Variants in CDC34 observed in about 807,000 individuals in gnomAD.
CDC34 encodes the protein cell division cycle 34, ubiquitin conjugating enzyme.
A neutral mutation model predicts 26.8 loss-of-function variants in CDC34; 18 were observed. That is an observed-to-expected ratio of 0.67 (90% CI 0.47 to 1.00). CDC34 has a LOEUF of 1.00. CDC34 is among the 50% of genes least tolerant of loss of function. CDC34 has a pLI of 0.00. For missense variants in CDC34, 280 were observed against 334.5 expected (o/e 0.84, Z 1.27); for synonymous variants, 178 against 147.5 (o/e 1.21, Z -1.50).
chr19:540,889 G>A (rs926800509), intron 4 of CDC34, among the ~76,000 whole-genome samples: 4 of 152,098 alleles, frequency 2.6e-5, no homozygotes, highest in Admixed American at 6.5e-5. Flanking sequence ...CCGTTTTTGC[G>A]TTTCCCATCT....
intron 4 of CDC34, among the ~76,000 whole-genome samples, chr19:537,516 C>G (rs1295197998): frequency 2.6e-5 from 4 of 152,096 alleles, no homozygotes; most frequent in Non-Finnish European, 5.9e-5. Context: ...CCACGCCCGG[C>G]TAATTTTTTG....
At position 535,861 on chromosome 19, in the gene CDC34, T is replaced by A; in HGVS notation, c.202T>A (p.Tyr68Asn). 1 of 1,613,902 alleles carries A rather than the reference T, an allele frequency of 6.2e-7. No individual in the cohort carries two copies. Among genetic ancestry groups the A allele is most frequent in the Non-Finnish European group, 8.5e-7 (1 of 1,179,968 alleles). The change falls in exon 2 of 5, where the codon TAC becomes AAC. Residue 68 changes from tyrosine (Y) to asparagine (N), a missense_variant. By Grantham distance (143) the Tyr-to-Asn change is moderately radical. Coordinates refer to ENST00000215574, the MANE Select transcript of CDC34 (RefSeq NM_004359.2). ...GGCGCGCCTCAAGTTCCCCATCGAC[T>A]ACCCATACTCTCCACCAGCCTTTCG... Reference protein sequence around the residue: ...FKARLKFPIDYPYSPPAFRFL... With the variant: ...FKARLKFPIDNPYSPPAFRFL...
intron 4 of CDC34, chr19:538,992 A>C (rs1203986423): frequency 1.0e-6 from 1 of 985,072 alleles, no homozygotes; most frequent in African/African-American, 1.7e-5. Flanking sequence ...CCTCCTTGAG[A>C]TCCCAGCACA....
In CDC34 at chr19:541,459, C is replaced by G. The variant is rs542019154; in HGVS notation, c.618C>G (p.Phe206Leu). ...APAPDEGSDL[F>L]YDDYYEDGEV... Reference sequence around the variant, plus strand: ...CGCCCGACGAGGGCTCAGACCTCTTCTACGACGACTACTACGAGGACGGCG... The same window carrying G: ...CGCCCGACGAGGGCTCAGACCTCTTGTACGACGACTACTACGAGGACGGCG... The change falls in exon 5 of 5, where the codon TTC becomes TTG. Residue 206 changes from phenylalanine to leucine, a missense_variant. Physicochemically the swap from Phe to Leu is conservative, Grantham distance 22. Coordinates refer to ENST00000215574, the MANE Select transcript of CDC34 (RefSeq NM_004359.2). 10 of 1,612,608 alleles carry G rather than the reference C, an allele frequency of 6.2e-6. No individual in the cohort carries two copies. The highest frequency in any genetic ancestry group is 8.5e-6 in the Non-Finnish European group (10 of 1,179,864).
Position 537,218 on chromosome 19 carries a change from G to A in CDC34, c.497+71G>A, listed in dbSNP as rs538772455. 2.5e-4 allele frequency: 384 copies of A among 1,556,896 alleles called. 3 individuals carry two copies. The highest frequency in any genetic ancestry group is 1.2e-3 in the Middle Eastern group (7 of 5,804). ...CCTGCACCCCGGCCCCTGGTCCCACGGCCGCCCAGCCCCACCTTCCTGGTG... is the reference window on the plus strand; with the variant it reads ...CCTGCACCCCGGCCCCTGGTCCCACAGCCGCCCAGCCCCACCTTCCTGGTG... On this transcript the variant is annotated intron_variant, in intron 4 of 4. Transcript: ENST00000215574.
intron 4 of CDC34, chr19:538,754 T>A (rs1979878952): frequency 2.0e-6 from 2 of 985,282 alleles, no homozygotes; most frequent in South Asian, 4.7e-5. Context: ...CGGGGCAGCA[T>A]CCTGGTGCTG....
chr19:537,215 C>T lies in CDC34; in HGVS notation c.497+68C>T, dbSNP rs942191073. 15 of 1,557,844 alleles carry T rather than the reference C, an allele frequency of 9.6e-6. No homozygotes were observed. In the African/African-American group the frequency reaches 1.8e-4, roughly 18 times the overall value. ...CGGCCTGCACCCCGGCCCCTGGTCCCACGGCCGCCCAGCCCCACCTTCCTG... is the reference window on the plus strand; with the variant it reads ...CGGCCTGCACCCCGGCCCCTGGTCCTACGGCCGCCCAGCCCCACCTTCCTG... On this transcript the variant is annotated intron_variant, in intron 4 of 4. Coordinates refer to ENST00000215574, the MANE Select transcript of CDC34 (RefSeq NM_004359.2).
chr19:536,935 C>T lies in CDC34; in HGVS notation c.363-78C>T, dbSNP rs114582274. 3,147 of 1,575,104 alleles carry T rather than the reference C, an allele frequency of 2.0e-3. 51 individuals are homozygous for T. In the African/African-American group the frequency reaches 0.038, roughly 19 times the overall value. ...CCTGCTGGGTGGGTCCAGGCGTCCC[C>T]GTGACCCTCAGGGCCAGAGAAGAGC... On this transcript the variant is annotated intron_variant, in intron 3 of 4. Coordinates refer to ENST00000215574, the MANE Select transcript of CDC34 (RefSeq NM_004359.2).
intron 4 of CDC34, chr19:538,705 A>G (rs756910510): frequency 3.3e-5 from 33 of 985,184 alleles, no homozygotes; most frequent in Middle Eastern, 5.2e-4. Flanking sequence ...GGCACCTTCC[A>G]TCCTGCACTC....
At chr19:532,976 C>G (rs1979566147) in intron 1 of CDC34, among the ~76,000 whole-genome samples, 1 of 152,134 alleles carries the variant, frequency 6.6e-6, no homozygotes, top group Admixed American at 6.5e-5. Flanking sequence ...AGTTCTGGGC[C>G]GTTTCTTCTG....
At chr19:533,333 G>A (rs540354355) in intron 1 of CDC34, among the ~76,000 whole-genome samples, 153 of 152,320 alleles carry the variant, frequency 1.0e-3, no homozygotes, top group South Asian at 2.9e-3. Flanking sequence ...CCGAGGGACC[G>A]ATGCCTCCCG....
intron 1 of CDC34, 62 bp from the exon 2 acceptor site, chr19:535,775 T>G: frequency 1.5e-6 from 2 of 1,322,860 alleles, no homozygotes; most frequent in South Asian, 1.2e-5. Context: ...TTGGGCACCT[T>G]GTGAGCTGGG....
intron 4 of CDC34, among the ~76,000 whole-genome samples, chr19:537,633 T>G (rs1185796785): frequency 7.3e-6 from 1 of 136,234 alleles, no homozygotes; most frequent in Non-Finnish European, 1.5e-5. Context: ...ATTACAGGCG[T>G]GAGCCACCGC....
Position 541,641 on chromosome 19 carries a change from C to G in CDC34, c.*89C>G. ...CAGACTACCTCACGGAGGTTTTGTG[C>G]TGGTCCCCGTCTCCTCTGGTTGTTT... On this transcript the variant is annotated 3_prime_UTR_variant, in exon 5 of 5. Coordinates refer to ENST00000215574, the MANE Select transcript of CDC34 (RefSeq NM_004359.2). 1 of 1,390,584 alleles carries G rather than the reference C, an allele frequency of 7.2e-7. No homozygotes were observed. Among genetic ancestry groups the G allele is most frequent in the South Asian group, 1.5e-5 (1 of 67,258 alleles). The allele number at this position is 1,390,584 out of a possible 1,614,324, so 86.1% of individuals were successfully genotyped here.
rs772623433 is a variant in CDC34, at chr19:537,166, G to A, written c.497+19G>A. 30 of 1,611,136 alleles carry A rather than the reference G, an allele frequency of 1.9e-5. No homozygotes were observed. The highest frequency in any genetic ancestry group is 1.6e-4 in the Middle Eastern group (1 of 6,080). ...TCATCCGGTGAGGGCGGGCGGGGGC[G>A]TCACGGGAGGAGAGACTCAGATCCG... On this transcript the variant is annotated intron_variant, in intron 4 of 4. Coordinates refer to ENST00000215574, the MANE Select transcript of CDC34 (RefSeq NM_004359.2).
At chr19:533,133 T>C (rs12461965) in intron 1 of CDC34, among the ~76,000 whole-genome samples, 135,919 of 152,232 alleles carry the variant, frequency 0.89, 60,960 homozygotes, top group East Asian at 1. Flanking sequence ...ACCTTTGACT[T>C]CTTTTAGCGT....
Position 536,275 on chromosome 19 carries a change from G to A in CDC34, c.297G>A (p.Pro99=), listed in dbSNP as rs745773741. ...TGDVCISILH[P]PVDDPQSGEL... ...ACGTGTGTATCTCCATCCTCCACCC[G>A]CCGGTGGACGACCCCCAGAGCGGGG... The change falls in exon 3 of 5, where the codon CCG becomes CCA. Residue 99 remains proline, a synonymous_variant. Coordinates refer to ENST00000215574, the MANE Select transcript of CDC34 (RefSeq NM_004359.2). 2.7e-5 allele frequency: 44 copies of A among 1,610,920 alleles called. No homozygotes were observed. Among genetic ancestry groups the A allele is most frequent in the South Asian group, 2.5e-4 (23 of 90,736 alleles).
chr19:538,737 G>A (rs1432105054), intron 4 of CDC34: 10 of 985,434 alleles, frequency 1.0e-5, no homozygotes, highest in East Asian at 2.3e-4. Context: ...GTGTCGTGGG[G>A]TCATCTCGGG....
At position 541,537 on chromosome 19, in the gene CDC34, C is replaced by G. The variant is rs767629155; in HGVS notation, c.696C>G (p.Gly232=). 4 of 1,595,078 alleles carry G rather than the reference C, an allele frequency of 2.5e-6. No individual in the cohort carries two copies. Among genetic ancestry groups the G allele is most frequent in the Non-Finnish European group, 3.4e-6 (4 of 1,168,832 alleles). ...SCFGDDEDDS[G]TEES ...TCGGGGACGATGAGGATGACTCTGG[C>G]ACGGAGGAGTCCTGACACCACCAGA... Residue 232 remains glycine (G), a synonymous_variant, in exon 5 of 5, where the codon GGC becomes GGG. Coordinates refer to ENST00000215574, the MANE Select transcript of CDC34 (RefSeq NM_004359.2).
Sources: gnomAD v4.1 joint callset for allele counts (sites outside exome capture counted in the v4.1 genomes callset) on GRCh38, gnomAD v4.1.1 for gene constraint, MANE v1.5 for transcripts, NCBI Gene and HGNC (gene_info 2026-07-23, HGNC 2026-07-21) for gene names.